Variants in CWC22 observed in about 807,000 individuals in gnomAD.
The protein encoded by CWC22 is CWC22 spliceosome associated protein.
CWC22 carries 53 observed loss-of-function variants against 117.2 expected under a neutral mutation model. The observed-to-expected ratio is 0.45, with a 90% confidence interval of 0.36 to 0.57. The LOEUF is 0.57. CWC22 is among the 20% of genes least tolerant of loss of function. CWC22 has a pLI of 0.00. For synonymous variants in CWC22, 360 were observed against 355.6 expected, an observed-to-expected ratio of 1.01 and a Z score of -0.14; for missense variants, 980 against 1,068.8, an observed-to-expected ratio of 0.92 and a Z score of 1.16.
chr2:180,005,300 G>T (rs1687943921), intron 1 of CWC22, among the ~76,000 whole-genome samples: 1 of 152,194 alleles, frequency 6.6e-6, no homozygotes. Flanking sequence ...GACACTAGCC[G>T]GGAGCGGTGG....
chr2:179,954,330 T>G lies in CWC22; in HGVS notation c.1564A>C (p.Met522Leu), dbSNP rs1458045558. 2 of 1,592,308 alleles carry G rather than the reference T, an allele frequency of 1.3e-6. No homozygotes were observed. The highest frequency in any genetic ancestry group is 8.6e-7 in the Non-Finnish European group (1 of 1,164,570). ...TTGAATATACCTTCAAAGGATTCCATGTACTCTTTCTTTAGCATGCAAAAT... is the reference window on the plus strand; with the variant it reads ...TTGAATATACCTTCAAAGGATTCCAGGTACTCTTTCTTTAGCATGCAAAAT... ...GRFCMLKKEY[M>L]ESFEGIFKEQ... Residue 522 changes from methionine to leucine, a missense_variant, in exon 16 of 20, where the codon ATG becomes CTG. Coordinates refer to ENST00000410053, the MANE Select transcript of CWC22 (RefSeq NM_020943.3).
In CWC22 at chr2:179,978,347, A is replaced by G. The variant is rs188874198; in HGVS notation, c.453-29T>C. ...AAAAGAAGTGATTTTAATAAAGATT[A>G]AAACTTAATTACAATAATAAGAAGC... On this transcript the variant is annotated intron_variant, in intron 5 of 19. Transcript: ENST00000410053. 884 of 1,428,236 alleles carry G rather than the reference A, an allele frequency of 6.2e-4. 1 individual carries two copies. Among genetic ancestry groups the G allele is most frequent in the South Asian group, 8.2e-4 (50 of 60,778 alleles). 88.5% of individuals were successfully genotyped at this position (1,428,236 alleles called of 1,614,324 possible).
chr2:179,987,666 G>A (rs1687454046), intron 3 of CWC22, among the ~76,000 whole-genome samples: 1 of 152,058 alleles, frequency 6.6e-6, no homozygotes. Flanking sequence ...ACAACTGGAA[G>A]AAAGTTTGAA....
At chr2:179,986,159 T>G (rs993659331) in intron 4 of CWC22, among the ~76,000 whole-genome samples, 1 of 152,098 alleles carries the variant, frequency 6.6e-6, no homozygotes, top group African/African-American at 2.4e-5. Context: ...ATATTGCAAG[T>G]CTTGTTAGCC....
rs776663350 is a variant in CWC22 at position 179,964,625 on chromosome 2, T to C, written c.1319A>G (p.Gln440Arg). ...TGTTTTGTCATGAATAGTTACTTTT[T>C]GTCCTGAAAGAAACATAACAAAATT... The part of the protein sequence containing the change: ...EEEGEEDEEG[Q>R]KVTIHDKTEI... The change falls in exon 13 of 20, where the codon CAA becomes CGA. Residue 440 changes from glutamine to arginine, a missense_variant. By Grantham distance (43) the Gln-to-Arg change is conservative. This residue lies in a region of CWC22 where 559 missense variants were observed against 602.3 expected (regional missense o/e 0.93). Coordinates refer to ENST00000410053, the MANE Select transcript of CWC22 (RefSeq NM_020943.3). The C allele has an allele frequency of 4.8e-5, 73 of 1,524,178 alleles. No individual in the cohort carries two copies. The East Asian group carries it at 1.5e-3, about 32-fold the overall frequency. The allele number at this position is 1,524,178 out of a possible 1,614,324, so 94.4% of individuals were successfully genotyped here. A position where few individuals can be genotyped will look rare whatever the true frequency, so the allele number is the denominator to read the frequency against.
At chr2:179,967,870 G>C (rs1686931509) in intron 11 of CWC22, among the ~76,000 whole-genome samples, 1 of 151,914 alleles carries the variant, frequency 6.6e-6, no homozygotes, top group South Asian at 2.1e-4. Context: ...ATAGTTGTTA[G>C]ATATTTGGCC....
intron 4 of CWC22, among the ~76,000 whole-genome samples, chr2:179,985,829 T>TAC (rs1245931810): frequency 6.6e-6 from 1 of 151,968 alleles, no homozygotes; most frequent in Admixed American, 6.6e-5. Flanking sequence ...AGTATATATA[T>TAC]ATATGGTTCA....
At chr2:179,953,286 T>C (rs569127751) in intron 16 of CWC22, among the ~76,000 whole-genome samples, 2 of 152,220 alleles carry the variant, frequency 1.3e-5, no homozygotes, top group African/African-American at 2.4e-5. Flanking sequence ...TAAAGTACTA[T>C]AAAAATCTAA....
At chr2:179,969,138 A>C (rs1686968399) in intron 11 of CWC22, among the ~76,000 whole-genome samples, 1 of 152,184 alleles carries the variant, frequency 6.6e-6, no homozygotes, top group Admixed American at 6.5e-5. Flanking sequence ...CTAGATGCTA[A>C]AGAAATGGAT....
At chr2:179,979,253 A>T (rs1357019510) in intron 5 of CWC22, among the ~76,000 whole-genome samples, 1 of 139,470 alleles carries the variant, frequency 7.2e-6, no homozygotes, top group African/African-American at 2.7e-5. Context: ...AAAGTTTGAT[A>T]TAATATTCTA....
In CWC22 at chr2:180,005,354, G is replaced by T. The variant is rs568294127; in HGVS notation, c.-114+1513C>A. On this transcript the variant is annotated intron_variant, in intron 1 of 19. Coordinates refer to ENST00000410053, the MANE Select transcript of CWC22 (RefSeq NM_020943.3). ...GCACTTTGGGAGGCCGAGGCGGGTG[G>T]ATCACAAGGTCAGGAGACAGACACC... Among the ~76,000 whole-genome samples, 10 of 152,290 alleles carry T rather than the reference G, an allele frequency of 6.6e-5. No individual in the cohort carries two copies. In the South Asian group the frequency reaches 2.1e-3, roughly 32 times the overall value.
At chr2:179,978,153 A>G (rs751210133) in intron 6 of CWC22, 37 bp downstream of exon 6, 1 of 1,451,546 alleles carries the variant, frequency 6.9e-7, no homozygotes, top group African/African-American at 1.5e-5. Context: ...TTGAAAAAAT[A>G]CTTAGAAATA....
chr2:179,987,250 TA>T (rs1271755853), intron 3 of CWC22, among the ~76,000 whole-genome samples: 1 of 152,210 alleles, frequency 6.6e-6, no homozygotes, highest in Non-Finnish European at 1.5e-5. Flanking sequence ...CATCAGCTGT[TA>T]ATCTTGAAAA....
chr2:179,974,514 A>G (rs4405723), intron 6 of CWC22, among the ~76,000 whole-genome samples: 22,905 of 152,194 alleles, frequency 0.15, 2,108 homozygotes, highest in Admixed American at 0.29. Flanking sequence ...GCCAAAAGTC[A>G]GGAAAAAAAG....
At chr2:179,952,623 A>G in intron 16 of CWC22, 25 bp from the exon 17 acceptor site, 2 of 1,288,440 alleles carry the variant, frequency 1.6e-6, no homozygotes, top group Non-Finnish European at 2.1e-6. Context: ...AAAAAAAGAC[A>G]AGTATATTTT....
At chr2:179,987,225 C>A (rs1211198162) in intron 3 of CWC22, among the ~76,000 whole-genome samples, 3 of 152,100 alleles carry the variant, frequency 2.0e-5, no homozygotes, top group Non-Finnish European at 4.4e-5. Context: ...TAATTCCATA[C>A]CAAAAGACCA....
rs185736881 is a variant in CWC22 at position 179,944,978 on chromosome 2, A to G, written c.*151T>C. 3.5e-6 allele frequency: 2 copies of G among 566,532 alleles called. No individual in the cohort carries two copies. The highest frequency in any genetic ancestry group is 5.9e-6 in the Non-Finnish European group (2 of 338,704). The allele number at this position is 566,532 out of a possible 1,614,324, so 35.1% of individuals were successfully genotyped here. On this transcript the variant is annotated 3_prime_UTR_variant, in exon 20 of 20. Coordinates refer to ENST00000410053, the MANE Select transcript of CWC22 (RefSeq NM_020943.3). ...ATGGGTAGGGCCTTGAGATGTATCAATTATAAAACATGTTAAAATGAAAAC... is the reference window on the plus strand; with the variant it reads ...ATGGGTAGGGCCTTGAGATGTATCAGTTATAAAACATGTTAAAATGAAAAC...
chr2:179,968,090 T>A (rs929877432), intron 11 of CWC22, among the ~76,000 whole-genome samples: 16 of 152,244 alleles, frequency 1.1e-4, no homozygotes, highest in African/African-American at 3.4e-4. Flanking sequence ...TATATCAACA[T>A]GTTAATTTGA....
intron 1 of CWC22, among the ~76,000 whole-genome samples, chr2:179,994,462 ACCTAC>A (rs1687649345): frequency 6.6e-6 from 1 of 152,344 alleles, no homozygotes; most frequent in Admixed American, 6.5e-5. Flanking sequence ...ACAACTAGAA[ACCTAC>A]CATAAGGACA....
Sources: allele counts gnomAD v4.1 joint callset (sites outside exome capture counted in the v4.1 genomes callset), GRCh38; gene constraint gnomAD v4.1.1; regional missense constraint gnomAD v4.1.1; transcripts MANE v1.5; gene names NCBI Gene and HGNC (gene_info 2026-07-23, HGNC 2026-07-21).